The following PUS10 variants were observed in gnomAD, a reference collection of about 807,000 sequenced individuals.
The protein encoded by PUS10 is tRNA pseudouridine synthase Pus10.
PUS10 carries 59 observed loss-of-function variants against 75.0 expected under a neutral mutation model. That is an observed-to-expected ratio of 0.79 (90% CI 0.64 to 0.98). The LOEUF (loss-of-function observed/expected upper bound fraction) is 0.98, where lower values mean the gene tolerates loss of function less well. Ranked by LOEUF, PUS10 falls within the 50% of genes least tolerant of loss-of-function variation. The pLI is 0.00. For missense variants in PUS10, 650 were observed against 614.4 expected, an observed-to-expected ratio of 1.06 and a Z score of -0.61; for synonymous variants, 219 against 211.6, an observed-to-expected ratio of 1.03 and a Z score of -0.30.
At chr2:61,012,233 A>G (rs1679650695) in intron 1 of PUS10, among the ~76,000 whole-genome samples, 1 of 152,202 alleles carries the variant, frequency 6.6e-6, no homozygotes, top group Admixed American at 6.5e-5. Context: ...ACAGAGGTAC[A>G]GGGTGAAATT....
intron 6 of PUS10, 68 bp downstream of exon 6, chr2:60,967,434 C>T (rs1254904765): frequency 1.8e-6 from 2 of 1,087,378 alleles, no homozygotes; most frequent in South Asian, 1.4e-5. Flanking sequence ...TAACCAAAAC[C>T]CTGCCATATA....
In PUS10 at chr2:61,006,546, A is replaced by C; in HGVS notation, c.468+11T>G. On this transcript the variant is annotated intron_variant, in intron 4 of 17. Transcript: ENST00000316752. ...CTTCACATACAGTTTTATGCATGCA[A>C]ATGACCTTACCTCTCTTACAGATAG... 6.3e-7 allele frequency: 1 copy of C among 1,598,404 alleles called. No homozygotes were observed.
At chr2:60,955,165 CTT>C (rs1405728441) in intron 11 of PUS10, 91 bp from the exon 12 acceptor site, 1 of 714,206 alleles carries the variant, frequency 1.4e-6, no homozygotes, top group African/African-American at 1.8e-5. Context: ...AACTGAAGGT[CTT>C]GAACAATCTA....
At chr2:61,000,215 T>C (rs1678764048) in intron 4 of PUS10, among the ~76,000 whole-genome samples, 1 of 152,198 alleles carries the variant, frequency 6.6e-6, no homozygotes, top group Non-Finnish European at 1.5e-5. Context: ...TCCTCTTTTA[T>C]AAGGAAGCCC....
intron 4 of PUS10, among the ~76,000 whole-genome samples, chr2:60,994,095 A>AC (rs1017659434): frequency 2.0e-5 from 3 of 151,822 alleles, no homozygotes; most frequent in Admixed American, 6.6e-5. Context: ...GGCCAGATCG[A>AC]CACTTCGTAA....
intron 4 of PUS10, among the ~76,000 whole-genome samples, chr2:60,989,022 A>G (rs1677902199): frequency 6.6e-6 from 1 of 152,148 alleles, no homozygotes; most frequent in Non-Finnish European, 1.5e-5. Context: ...GGATGGGGAC[A>G]GTAGGAGTGC....
At chr2:61,001,559 G>A (rs1265563217) in intron 4 of PUS10, among the ~76,000 whole-genome samples, 1 of 152,200 alleles carries the variant, frequency 6.6e-6, no homozygotes, top group East Asian at 1.9e-4. Flanking sequence ...TTATAGGCAT[G>A]AGCCAACACC....
chr2:60,954,285 A>G (rs892463195), intron 12 of PUS10, 127 bp from the exon 13 acceptor site: 1 of 763,116 alleles, frequency 1.3e-6, no homozygotes, highest in Non-Finnish European at 2.2e-6. Context: ...TAGTGACATG[A>G]CTACATCTGA....
chr2:61,007,853 C>T (rs182969297), intron 3 of PUS10, among the ~76,000 whole-genome samples: 1,836 of 149,646 alleles, frequency 0.012, 16 homozygotes, highest in Non-Finnish European at 0.02. Flanking sequence ...TGGGCCAAGG[C>T]GGGCGGATCA....
chr2:61,003,967 T>C (rs940912217), intron 4 of PUS10, among the ~76,000 whole-genome samples: 3 of 152,332 alleles, frequency 2.0e-5, no homozygotes, highest in African/African-American at 7.2e-5. Flanking sequence ...AATCTACTTC[T>C]TAGAAGTGGA....
At chr2:61,003,530 T>C (rs1239089705) in intron 4 of PUS10, among the ~76,000 whole-genome samples, 3 of 151,834 alleles carry the variant, frequency 2.0e-5, no homozygotes, top group South Asian at 4.2e-4. Flanking sequence ...GATGCGTTAA[T>C]GCAAATTTTA....
chr2:60,965,298 T>C (rs1676268076), intron 7 of PUS10, 125 bp downstream of exon 7: 1 of 1,012,952 alleles, frequency 9.9e-7, no homozygotes, highest in African/African-American at 1.6e-5. Flanking sequence ...AGGGCACATT[T>C]TAAACCTACT....
At chr2:60,944,179 T>C in intron 17 of PUS10, 4 of 978,546 alleles carry the variant, frequency 4.1e-6, no homozygotes, top group Non-Finnish European at 4.9e-6. Flanking sequence ...AAGGTTTTCT[T>C]CCTCCAAATG....
At chr2:60,958,315 TTACTG>T (rs1248743935) in intron 11 of PUS10, among the ~76,000 whole-genome samples, 1 of 152,192 alleles carries the variant, frequency 6.6e-6, no homozygotes, top group African/African-American at 2.4e-5. Context: ...CCCAGGGTCT[TTACTG>T]CTAAGATTTT....
chr2:61,006,737 G>T, intron 3 of PUS10, 94 bp from the exon 4 acceptor site: 2 of 937,712 alleles, frequency 2.1e-6, no homozygotes, highest in Non-Finnish European at 3.2e-6. Flanking sequence ...TCCAGGAGAT[G>T]ACATGGCAAA....
chr2:60,955,104 T>A, intron 11 of PUS10, 30 bp from the exon 12 acceptor site: 1 of 1,411,820 alleles, frequency 7.1e-7, no homozygotes, highest in Non-Finnish European at 9.8e-7. Context: ...AAAAAAAAAT[T>A]AGAGACATCA....
At chr2:61,010,104 GA>G (rs1035813621) in intron 2 of PUS10, 17 of 152,068 alleles carry the variant, frequency 1.1e-4, no homozygotes, top group African/African-American at 3.9e-4. Flanking sequence ...TACATAAAAT[GA>G]AACAAACGAA....
At chr2:60,982,469 G>A (rs1042245151) in intron 4 of PUS10, among the ~76,000 whole-genome samples, 8 of 151,864 alleles carry the variant, frequency 5.3e-5, no homozygotes, top group Admixed American at 1.3e-4. Context: ...TGCAATGTTG[G>A]CCAGGCTGGT....
chr2:61,003,510 C>G (rs1196555788), intron 4 of PUS10, among the ~76,000 whole-genome samples: 2 of 150,994 alleles, frequency 1.3e-5, no homozygotes, highest in African/African-American at 4.9e-5. Flanking sequence ...TTCGTAGAAC[C>G]AATAATATAG....
Sources: allele counts gnomAD v4.1 joint callset (sites outside exome capture counted in the v4.1 genomes callset), GRCh38; gene constraint gnomAD v4.1.1; transcripts MANE v1.5; gene names NCBI Gene and HGNC (gene_info 2026-07-23, HGNC 2026-07-21).